SPTLC2: variants seen among roughly 807,000 people sequenced by gnomAD.
SPTLC2 encodes serine palmitoyltransferase 2.
Under a neutral mutation model 62.0 loss-of-function variants are expected in SPTLC2, and 21 were observed. The ratio of observed to expected loss-of-function variants is 0.34; its 90% CI spans 0.24 to 0.49. The LOEUF (loss-of-function observed/expected upper bound fraction) is 0.49, where lower values mean the gene tolerates loss of function less well. SPTLC2 is among the 20% of genes least tolerant of loss of function. The pLI is 0.99. For synonymous variants in SPTLC2, 261 were observed against 261.8 expected (o/e 1.00, Z 0.03); for missense variants, 511 against 713.0 (o/e 0.72, Z 3.23).
intron 4 of SPTLC2, among the ~76,000 whole-genome samples, chr14:77,571,880 T>A (rs2079685322): frequency 6.6e-6 from 1 of 152,068 alleles, no homozygotes; most frequent in Admixed American, 6.6e-5. Flanking sequence ...AACCTCCACC[T>A]CCTGGGTTCA....
chr14:77,560,304 T>G (rs1410582529), intron 6 of SPTLC2, among the ~76,000 whole-genome samples: 1 of 152,084 alleles, frequency 6.6e-6, no homozygotes, highest in East Asian at 1.9e-4. Context: ...TAAAAAAATG[T>G]GGGCCAGGCG....
At chr14:77,577,267 CAT>C (rs1412356879) in intron 3 of SPTLC2, among the ~76,000 whole-genome samples, 4 of 152,000 alleles carry the variant, frequency 2.6e-5, no homozygotes, top group Admixed American at 1.3e-4. Flanking sequence ...AATATATACA[CAT>C]GAGGATCCTT....
At chr14:77,535,110 A>G (rs2079462547) in intron 9 of SPTLC2, among the ~76,000 whole-genome samples, 1 of 152,158 alleles carries the variant, frequency 6.6e-6, no homozygotes, top group African/African-American at 2.4e-5. Flanking sequence ...TATTTTCAGT[A>G]GAGACAGGGT....
intron 2 of SPTLC2, among the ~76,000 whole-genome samples, chr14:77,588,603 G>C (rs943089639): frequency 1.3e-5 from 2 of 152,058 alleles, no homozygotes; most frequent in Non-Finnish European, 2.9e-5. Flanking sequence ...AGCTGAGGTG[G>C]GAGAATCACT....
chr14:77,592,104 C>T (rs1005329439), intron 2 of SPTLC2, among the ~76,000 whole-genome samples: 4 of 151,578 alleles, frequency 2.6e-5, no homozygotes, highest in Admixed American at 2.6e-4. Context: ...GCTTAATGCA[C>T]CAAAATGACA....
chr14:77,541,732 GCATCTAGA>G (rs1374148469), intron 9 of SPTLC2, among the ~76,000 whole-genome samples: 1 of 152,098 alleles, frequency 6.6e-6, no homozygotes, highest in Non-Finnish European at 1.5e-5. Context: ...CTCATCACAA[GCATCTAGA>G]TGGGATGCAT....
chr14:77,534,497 C>A (rs556731135), intron 9 of SPTLC2, among the ~76,000 whole-genome samples: 23 of 151,226 alleles, frequency 1.5e-4, no homozygotes, highest in South Asian at 6.3e-4. Flanking sequence ...ATTTCTGAAG[C>A]CTCAGGGCAG....
chr14:77,559,090 C>A (rs544420048), intron 6 of SPTLC2, among the ~76,000 whole-genome samples: 2 of 152,068 alleles, frequency 1.3e-5, no homozygotes, highest in African/African-American at 4.8e-5. Flanking sequence ...GAGACCGAGG[C>A]GGGTGAATCG....
chr14:77,594,526 C>T (rs998637485), intron 2 of SPTLC2, among the ~76,000 whole-genome samples: 1 of 152,176 alleles, frequency 6.6e-6, no homozygotes, highest in Admixed American at 6.5e-5. Context: ...TTTGGGAGGC[C>T]AAGGCAGGAG....
At position 77,587,337 on chromosome 14, in the gene SPTLC2, A is replaced by G. The variant is rs150011994; in HGVS notation, c.328-8228T>C. On this transcript the variant is annotated intron_variant, in intron 2 of 11. Coordinates refer to ENST00000216484, the MANE Select transcript of SPTLC2 (RefSeq NM_004863.4). ...GTGAAACTGAAGACATGCATACTCT[A>G]TAACTCTATAACTCAATAATTCCAA... Among the ~76,000 whole-genome samples, 53 of 152,304 alleles carry G rather than the reference A, an allele frequency of 3.5e-4. 1 individual carries two copies. The highest frequency in any genetic ancestry group is 8.9e-4 in the African/African-American group (37 of 41,578).
intron 1 of SPTLC2, among the ~76,000 whole-genome samples, chr14:77,614,898 G>C (rs909602663): frequency 4.0e-5 from 6 of 151,480 alleles, no homozygotes; most frequent in Admixed American, 2.0e-4. Flanking sequence ...TTGAACCCAG[G>C]GGGTGGAGGC....
intron 1 of SPTLC2, among the ~76,000 whole-genome samples, chr14:77,613,554 T>G (rs1426209287): frequency 4.6e-5 from 7 of 152,126 alleles, no homozygotes; most frequent in Non-Finnish European, 8.8e-5. Flanking sequence ...AATCCAAGAG[T>G]TGTTCTTTTA....
chr14:77,552,420 T>C (rs994126047), intron 8 of SPTLC2, among the ~76,000 whole-genome samples, 198 bp from the exon 9 acceptor site: 26 of 152,226 alleles, frequency 1.7e-4, no homozygotes, highest in African/African-American at 6.3e-4. Flanking sequence ...GCAAAGTTCT[T>C]AGGTTTGGTT....
chr14:77,583,551 G>C (rs890579395), intron 2 of SPTLC2, among the ~76,000 whole-genome samples: 1 of 152,044 alleles, frequency 6.6e-6, no homozygotes, highest in African/African-American at 2.4e-5. Context: ...CCACTATTCC[G>C]ACCCTCATTC....
chr14:77,580,406 C>T (rs1164891214), intron 2 of SPTLC2, among the ~76,000 whole-genome samples: 3 of 150,314 alleles, frequency 2.0e-5, no homozygotes, highest in Non-Finnish European at 4.4e-5. Context: ...TCGCTTGAAC[C>T]TGGGAGGCAG....
At chr14:77,574,258 T>C (rs980047334) in intron 4 of SPTLC2, among the ~76,000 whole-genome samples, 12 of 152,186 alleles carry the variant, frequency 7.9e-5, no homozygotes, top group African/African-American at 2.9e-4. Flanking sequence ...ACCAAGTAAA[T>C]TCACTGTATG....
chr14:77,551,030 G>T (rs897005355), intron 9 of SPTLC2, among the ~76,000 whole-genome samples: 1 of 151,962 alleles, frequency 6.6e-6, no homozygotes, highest in Non-Finnish European at 1.5e-5. Context: ...CATAACTGTA[G>T]AGTGGAGAGC....
chr14:77,522,025 C>G (rs2079387240), intron 9 of SPTLC2, among the ~76,000 whole-genome samples: 1 of 152,158 alleles, frequency 6.6e-6, no homozygotes, highest in Non-Finnish European at 1.5e-5. Flanking sequence ...GAATTTACAT[C>G]TTCTAACTTT....
chr14:77,598,268 A>G (rs2140057174), intron 1 of SPTLC2, among the ~76,000 whole-genome samples: 1 of 152,334 alleles, frequency 6.6e-6, no homozygotes, highest in East Asian at 1.9e-4. Flanking sequence ...GAAGGACTGC[A>G]TAAGAACACC....
Sources: gnomAD v4.1 joint callset for allele counts (sites outside exome capture counted in the v4.1 genomes callset) on GRCh38, gnomAD v4.1.1 for gene constraint, MANE v1.5 for transcripts, NCBI Gene and HGNC (gene_info 2026-07-23, HGNC 2026-07-21) for gene names.